The following FHIT variants were observed in gnomAD, a reference collection of about 807,000 sequenced individuals.
FHIT encodes the protein bis(5'-adenosyl)-triphosphatase.
Under a neutral mutation model 17.9 loss-of-function variants are expected in FHIT, and 19 were observed. That is an observed-to-expected ratio of 1.06 (90% CI 0.74 to 1.56). The LOEUF is 1.56. FHIT is among the 40% of genes most tolerant of loss of function. FHIT has a pLI of 0.00. For missense variants in FHIT, 248 were observed against 189.2 expected (o/e 1.31, Z -1.82); for synonymous variants, 81 against 69.7 (o/e 1.16, Z -0.81).
rs141085756 is a variant in FHIT at position 59,919,793 on chromosome 3, T to A, written c.348+2553A>T. On this transcript the variant is annotated intron_variant, in intron 8 of 9. Transcript: ENST00000492590. ...GAACAGATGCATAATCTAGAGCAAG[T>A]GCTCCCATCAATATAAAGAATGCCA... Among the ~76,000 whole-genome samples, 136 of 152,326 alleles carry A rather than the reference T, an allele frequency of 8.9e-4. 1 individual carries two copies. The highest frequency in any genetic ancestry group is 3.1e-3 in the African/African-American group (128 of 41,582).
intron 2 of FHIT, among the ~76,000 whole-genome samples, chr3:61,162,342 T>C (rs1187497829): frequency 6.6e-6 from 1 of 152,218 alleles, no homozygotes; most frequent in Non-Finnish European, 1.5e-5. Context: ...CAGGTTTTTT[T>C]CTTGCTTCCT....
rs553435963 is a variant in FHIT, at chr3:60,499,074, C to T, written c.103+37786G>A. On this transcript the variant is annotated intron_variant, in intron 5 of 9. Transcript: ENST00000492590. ...ATGCTTCATAGTGTTTGCTTTGCTT[C>T]GAGATTCCATGAGTGACCAAGGAGT... Among the ~76,000 whole-genome samples the T allele has an allele frequency of 1.3e-3, 201 of 152,126 alleles. 3 individuals carry two copies. The South Asian group carries it at 0.027, about 20-fold the overall frequency.
intron 3 of FHIT, among the ~76,000 whole-genome samples, chr3:60,895,155 T>A (rs1456990635): frequency 2.6e-5 from 4 of 152,244 alleles, no homozygotes; most frequent in African/African-American, 4.8e-5. Context: ...GTCATTAACA[T>A]TCTTGAAGAG....
At chr3:60,846,333 A>G (rs1553746447) in intron 3 of FHIT, among the ~76,000 whole-genome samples, 1 of 152,248 alleles carries the variant, frequency 6.6e-6, no homozygotes, top group African/African-American at 2.4e-5. Context: ...AGAATGTAGG[A>G]GTTAGAAACA....
At chr3:60,540,812 G>GA (rs1247068322) in intron 4 of FHIT, among the ~76,000 whole-genome samples, 1 of 152,154 alleles carries the variant, frequency 6.6e-6, no homozygotes, top group Non-Finnish European at 1.5e-5. Flanking sequence ...AGGTACTAAA[G>GA]AAATAAGATA....
intron 9 of FHIT, chr3:59,751,371 G>T (rs1289578278): frequency 5.9e-5 from 11 of 185,948 alleles, no homozygotes; most frequent in Non-Finnish European, 1.1e-4. Flanking sequence ...TTCCCAAGTA[G>T]TTGGGATTAT....
At chr3:60,642,923 A>G (rs1412506659) in intron 4 of FHIT, among the ~76,000 whole-genome samples, 1 of 152,214 alleles carries the variant, frequency 6.6e-6, no homozygotes, top group Non-Finnish European at 1.5e-5. Flanking sequence ...TTCACTAATG[A>G]GGTCAAAGCC....
At chr3:60,921,236 C>G (rs571673323) in intron 3 of FHIT, among the ~76,000 whole-genome samples, 1 of 152,264 alleles carries the variant, frequency 6.6e-6, no homozygotes, top group Admixed American at 6.5e-5. Context: ...ATGCATGGGC[C>G]GTATTGAACC....
Position 61,089,559 on chromosome 3 carries a change from T to C in FHIT, c.-163-47460A>G, listed in dbSNP as rs548234985. Among the ~76,000 whole-genome samples, 8 of 152,202 alleles carry C rather than the reference T, an allele frequency of 5.3e-5. No homozygotes were observed. The East Asian group carries it at 1.5e-3, about 29-fold the overall frequency. Reference sequence around the variant, plus strand: ...CTCATCCATGTTGTAGCATGTATACTTCAGTAAAAAAAAATTGAATACAAT... The same window carrying C: ...CTCATCCATGTTGTAGCATGTATACCTCAGTAAAAAAAAATTGAATACAAT... On this transcript the variant is annotated intron_variant, in intron 2 of 9. Coordinates refer to ENST00000492590, the MANE Select transcript of FHIT (RefSeq NM_002012.4).
chr3:61,247,281 C>T (rs2106950386), intron 1 of FHIT, among the ~76,000 whole-genome samples: 1 of 152,322 alleles, frequency 6.6e-6, no homozygotes, highest in East Asian at 1.9e-4. Context: ...CACTTCTTTT[C>T]AGTAACTCAC....
chr3:59,796,509 T>A (rs888154503), intron 8 of FHIT, among the ~76,000 whole-genome samples: 1 of 152,228 alleles, frequency 6.6e-6, no homozygotes, highest in African/African-American at 2.4e-5. Context: ...TGCAGCTCTC[T>A]GATTCACTTC....
At chr3:60,718,787 T>C (rs951859441) in intron 4 of FHIT, among the ~76,000 whole-genome samples, 4 of 152,234 alleles carry the variant, frequency 2.6e-5, no homozygotes, top group South Asian at 2.1e-4. Flanking sequence ...TCATGAGTTA[T>C]ATAGAATTAA....
At chr3:61,204,463 T>C (rs974297149) in intron 1 of FHIT, among the ~76,000 whole-genome samples, 8 of 151,884 alleles carry the variant, frequency 5.3e-5, no homozygotes, top group African/African-American at 1.9e-4. Context: ...TCCAAATCAA[T>C]AGAGGAAACA....
At chr3:60,499,978 A>G (rs1275345596) in intron 5 of FHIT, among the ~76,000 whole-genome samples, 1 of 152,208 alleles carries the variant, frequency 6.6e-6, no homozygotes, top group Non-Finnish European at 1.5e-5. Context: ...AAACCTCTGC[A>G]CACAAGAATA....
intron 7 of FHIT, among the ~76,000 whole-genome samples, chr3:59,988,840 G>C (rs893759283): frequency 1.3e-5 from 2 of 152,086 alleles, no homozygotes; most frequent in Admixed American, 1.3e-4. Flanking sequence ...ATGCAGTTAG[G>C]GCCTCGAGCA....
At chr3:60,635,162 C>T (rs1423341525) in intron 4 of FHIT, among the ~76,000 whole-genome samples, 9 of 152,156 alleles carry the variant, frequency 5.9e-5, no homozygotes, top group Non-Finnish European at 1.2e-4. Context: ...TTTCTTTGTT[C>T]CTTATTATCT....
At chr3:61,109,083 C>T (rs2036077850) in intron 2 of FHIT, among the ~76,000 whole-genome samples, 1 of 152,104 alleles carries the variant, frequency 6.6e-6, no homozygotes, top group Non-Finnish European at 1.5e-5. Flanking sequence ...TCCAAGTGAA[C>T]ATTTTATTGG....
At chr3:61,245,170 CA>C (rs1173715999) in intron 1 of FHIT, among the ~76,000 whole-genome samples, 2 of 152,130 alleles carry the variant, frequency 1.3e-5, no homozygotes, top group Non-Finnish European at 2.9e-5. Flanking sequence ...TTTTTATTGA[CA>C]ATGATAAGAA....
rs111642535 is a variant in FHIT at position 60,914,791 on chromosome 3, T to C, written c.-110-92780A>G. Reference sequence around the variant, plus strand: ...TTTATGAACCTTATAAATTTTATTATACCTTGTAGAGAGGGTGGGGGAACA... The same window carrying C: ...TTTATGAACCTTATAAATTTTATTACACCTTGTAGAGAGGGTGGGGGAACA... On this transcript the variant is annotated intron_variant, in intron 3 of 9. Transcript: ENST00000492590. Among the ~76,000 whole-genome samples the C allele has an allele frequency of 9.8e-3, 1,497 of 152,334 alleles. 21 individuals carry two copies. Among genetic ancestry groups the C allele is most frequent in the African/African-American group, 0.033 (1,380 of 41,572 alleles).
Sources: allele counts gnomAD v4.1 joint callset (sites outside exome capture counted in the v4.1 genomes callset), GRCh38; gene constraint gnomAD v4.1.1; transcripts MANE v1.5; gene names NCBI Gene and HGNC (gene_info 2026-07-23, HGNC 2026-07-21).